The following PDE10A variants were observed in gnomAD, a reference collection of about 807,000 sequenced individuals.
PDE10A encodes the protein cAMP and cAMP-inhibited cGMP 3',5'-cyclic phosphodiesterase 10A.
A neutral mutation model predicts 97.7 loss-of-function variants in PDE10A; 39 were observed. The ratio of observed to expected loss-of-function variants is 0.40; its 90% CI spans 0.31 to 0.52. PDE10A has a LOEUF of 0.52. Among genes scored for constraint, PDE10A ranks in the 20% least tolerant of loss-of-function variants. The pLI, the probability that PDE10A is intolerant of heterozygous loss-of-function variation, is 0.56. For missense variants in PDE10A, 731 were observed against 1,047.8 expected (o/e 0.70, Z 4.17); for synonymous variants, 371 against 376.8 (o/e 0.98, Z 0.18).
intron 1 of PDE10A, among the ~76,000 whole-genome samples, chr6:165,681,001 T>C (rs764983468): frequency 1.3e-5 from 2 of 152,242 alleles, no homozygotes; most frequent in Non-Finnish European, 2.9e-5. Context: ...TTTACATTGC[T>C]GAAGAGCCCA....
Position 165,643,179 on chromosome 6 carries a change from A to C in PDE10A, c.865+18768T>G, listed in dbSNP as rs75719073. Among the ~76,000 whole-genome samples the C allele has an allele frequency of 9.3e-3, 1,387 of 149,236 alleles. 24 individuals carry two copies. Among genetic ancestry groups the C allele is most frequent in the African/African-American group, 0.032 (1,313 of 41,068 alleles). ...AGATGGGAGGACGGATGGTGGGTAGATGTATGGGTGGATGCATAGGTAGGT... is the reference window on the plus strand; with the variant it reads ...AGATGGGAGGACGGATGGTGGGTAGCTGTATGGGTGGATGCATAGGTAGGT... On this transcript the variant is annotated intron_variant, in intron 1 of 21. Transcript: ENST00000539869.
chr6:165,814,852 C>T (rs1458255568), intron 1 of PDE10A, among the ~76,000 whole-genome samples: 2 of 151,946 alleles, frequency 1.3e-5, no homozygotes, highest in Non-Finnish European at 1.5e-5. Flanking sequence ...GCGAGCTGTG[C>T]GTCAGTTCCG....
At chr6:165,558,766 A>C (rs1212445803) in intron 1 of PDE10A, among the ~76,000 whole-genome samples, 1 of 152,150 alleles carries the variant, frequency 6.6e-6, no homozygotes, top group African/African-American at 2.4e-5. Context: ...TCAAAAAACG[A>C]AGGCAAATAA....
In PDE10A at chr6:165,523,034, A is replaced by AG. The variant is rs1562545537; in HGVS notation, c.994+20405_994+20406insC. The stretch of plus-strand genomic sequence containing the variant: ...AATCCCATTTACAATAGCCACAAAA[A>AG]TAAAAAAAAATACCTAGGAATGCAT... On this transcript the variant is annotated intron_variant, in intron 2 of 21. Coordinates refer to ENST00000539869, the MANE Select transcript of PDE10A (RefSeq NM_001385079.1). Among the ~76,000 whole-genome samples, 87 of 150,278 alleles carry AG rather than the reference A, an allele frequency of 5.8e-4. 1 individual carries two copies. Among genetic ancestry groups the AG allele is most frequent in the African/African-American group, 2.1e-3 (85 of 40,006 alleles).
At position 165,389,173 on chromosome 6, in the gene PDE10A, C is replaced by A. The variant is rs142930575; in HGVS notation, c.2455-720G>T. Among the ~76,000 whole-genome samples the A allele has an allele frequency of 6.7e-3, 1,021 of 151,778 alleles. 12 individuals are homozygous for A. The highest frequency in any genetic ancestry group is 0.023 in the African/African-American group (951 of 41,218). Reference sequence around the variant, plus strand: ...TGGGGTCGAGGGCAGGGGAAGCAGTCATCATAAAAGGCTTATATTCTCAGT... The same window carrying A: ...TGGGGTCGAGGGCAGGGGAAGCAGTAATCATAAAAGGCTTATATTCTCAGT... On this transcript the variant is annotated intron_variant, in intron 16 of 21. Transcript: ENST00000539869.
intron 1 of PDE10A, among the ~76,000 whole-genome samples, chr6:165,585,941 A>G (rs1461189264): frequency 6.6e-6 from 1 of 151,964 alleles, no homozygotes; most frequent in Non-Finnish European, 1.5e-5. Flanking sequence ...TGCTATGTGG[A>G]CTCTTGACCA....
In PDE10A at chr6:165,843,294, G is replaced by A. The variant is rs62425082; in HGVS notation, c.-615+144235C>T. ...AGGTGGAGTGGATTCTGGACAGAGT[G>A]GAAGCGCAGCAGAGGGCATCCCAGA... On this transcript the variant is annotated intron_variant, in intron 1 of 19. Coordinates refer to the PDE10A transcript ENST00000366882. Among the ~76,000 whole-genome samples, 654 of 152,254 alleles carry A rather than the reference G, an allele frequency of 4.3e-3. 4 individuals carry two copies. The highest frequency in any genetic ancestry group is 6.7e-3 in the Non-Finnish European group (459 of 68,014).
chr6:165,601,102 C>T (rs933402580), intron 1 of PDE10A, among the ~76,000 whole-genome samples: 3 of 152,198 alleles, frequency 2.0e-5, no homozygotes, highest in Non-Finnish European at 4.4e-5. Context: ...TCCCGTGCTA[C>T]TCTCATGATA....
chr6:165,633,145 T>A lies in PDE10A; in HGVS notation c.865+28802A>T, dbSNP rs891317118. Among the ~76,000 whole-genome samples the A allele has an allele frequency of 2.6e-5, 4 of 152,014 alleles. No individual in the cohort carries two copies. The South Asian group carries it at 8.3e-4, about 32-fold the overall frequency. On this transcript the variant is annotated intron_variant, in intron 1 of 21. Transcript: ENST00000539869. ...CTTTTGATCTTGGTCTGATTGTAAC[T>A]CTGCAGAATAGAGCAAATGCCTTTG...
At chr6:165,802,626 T>C (rs1419234334) in intron 1 of PDE10A, among the ~76,000 whole-genome samples, 1 of 152,166 alleles carries the variant, frequency 6.6e-6, no homozygotes, top group Non-Finnish European at 1.5e-5. Flanking sequence ...ATTATGAAGG[T>C]AAATGTGCAG....
chr6:165,978,691 G>A (rs574909204), intron 1 of PDE10A, among the ~76,000 whole-genome samples: 4 of 152,158 alleles, frequency 2.6e-5, no homozygotes, highest in East Asian at 1.9e-4. Context: ...TGTGATTCCC[G>A]ATTGGATCCT....
chr6:165,972,282 G>A (rs1280114620), intron 1 of PDE10A, among the ~76,000 whole-genome samples: 1 of 151,932 alleles, frequency 6.6e-6, no homozygotes, highest in Non-Finnish European at 1.5e-5. Flanking sequence ...AGAACTCGCG[G>A]TACCAGCAGG....
At chr6:165,619,411 A>AGTGTGGTGTGGTGTG (rs1787952897) in intron 1 of PDE10A, among the ~76,000 whole-genome samples, 1 of 118,424 alleles carries the variant, frequency 8.4e-6, no homozygotes, top group Admixed American at 8.1e-5. Flanking sequence ...AGTGTAGTCT[A>AGTGTGGTGTGGTGTG]GTGTAGTGTA....
chr6:165,871,891 T>C (rs952105360), intron 1 of PDE10A, among the ~76,000 whole-genome samples: 4 of 151,996 alleles, frequency 2.6e-5, no homozygotes, highest in African/African-American at 7.3e-5. Context: ...CAAGAGGAGA[T>C]AGGATCGAAG....
chr6:165,736,438 C>T (rs1792576839), intron 1 of PDE10A, among the ~76,000 whole-genome samples: 1 of 152,154 alleles, frequency 6.6e-6, no homozygotes, highest in African/African-American at 2.4e-5. Flanking sequence ...AAGAAAGATA[C>T]TCCTCCTGGG....
At chr6:165,900,596 C>T (rs1782077093) in intron 1 of PDE10A, among the ~76,000 whole-genome samples, 1 of 152,070 alleles carries the variant, frequency 6.6e-6, no homozygotes, top group African/African-American at 2.4e-5. Flanking sequence ...CTCCAACCCC[C>T]ATGTGTATAT....
intron 2 of PDE10A, among the ~76,000 whole-genome samples, chr6:165,530,132 T>C (rs1391589590): frequency 3.3e-5 from 5 of 152,146 alleles, no homozygotes. Context: ...GGATGCTTCC[T>C]GCCCTGGAAC....
At chr6:165,431,913 T>A (rs373044929) in intron 7 of PDE10A, among the ~76,000 whole-genome samples, 2 of 152,152 alleles carry the variant, frequency 1.3e-5, no homozygotes, top group African/African-American at 4.8e-5. Context: ...ACAAAAATAC[T>A]ATTGAAAAGC....
At chr6:165,554,856 T>C (rs1157965394) in intron 1 of PDE10A, among the ~76,000 whole-genome samples, 1 of 152,212 alleles carries the variant, frequency 6.6e-6, no homozygotes, top group Non-Finnish European at 1.5e-5. Context: ...GGAGATATTG[T>C]CTTTTGCAAC....
Sources: allele counts gnomAD v4.1 joint callset (sites outside exome capture counted in the v4.1 genomes callset), GRCh38; gene constraint gnomAD v4.1.1; transcripts MANE v1.5; gene names NCBI Gene and HGNC (gene_info 2026-07-23, HGNC 2026-07-21).